The following GRID1 variants were observed in gnomAD, a reference collection of about 807,000 sequenced individuals.
GRID1 encodes glutamate ionotropic receptor delta type subunit 1, also known as glutamate receptor ionotropic, delta-1.
A neutral mutation model predicts 98.0 loss-of-function variants in GRID1; 28 were observed. The observed-to-expected ratio is 0.29, with a 90% CI of 0.21 to 0.39. The LOEUF is 0.39. GRID1 is among the 10% of genes least tolerant of loss of function. GRID1 has a pLI of 1.00. For missense variants in GRID1, 1,111 were observed against 1,340.5 expected (o/e 0.83, Z 2.67); for synonymous variants, 553 against 538.5 (o/e 1.03, Z -0.37).
intron 3 of GRID1, among the ~76,000 whole-genome samples, chr10:86,161,568 C>T (rs1441265421): frequency 1.3e-5 from 2 of 152,152 alleles, no homozygotes; most frequent in Non-Finnish European, 2.9e-5. Flanking sequence ...ATCTTAGGAG[C>T]TGAGGCTGGG....
chr10:86,298,328 G>T (rs1847624776), intron 2 of GRID1, among the ~76,000 whole-genome samples: 1 of 152,178 alleles, frequency 6.6e-6, no homozygotes, highest in Non-Finnish European at 1.5e-5. Flanking sequence ...ATGGACCAAG[G>T]ACTGGAAGGG....
intron 2 of GRID1, among the ~76,000 whole-genome samples, chr10:86,340,778 G>A (rs1263119006): frequency 1.3e-5 from 2 of 152,350 alleles, no homozygotes; most frequent in East Asian, 1.9e-4. Context: ...GGCCTACAAA[G>A]AGGGAGCAGA....
intron 8 of GRID1, among the ~76,000 whole-genome samples, chr10:85,819,200 A>G (rs1274096690): frequency 6.6e-6 from 1 of 152,216 alleles, no homozygotes; most frequent in Non-Finnish European, 1.5e-5. Flanking sequence ...CACAAAAAGC[A>G]CAACAGCAAC....
chr10:85,694,709 T>C (rs1033584023), intron 12 of GRID1, among the ~76,000 whole-genome samples: 1 of 147,856 alleles, frequency 6.8e-6, no homozygotes, highest in East Asian at 2.0e-4. Context: ...AAACACAAAG[T>C]CAAATTCCTC....
At chr10:85,644,689 T>TG (rs1053580863) in intron 13 of GRID1, among the ~76,000 whole-genome samples, 34 of 152,186 alleles carry the variant, frequency 2.2e-4, no homozygotes, top group Non-Finnish European at 2.9e-4. Flanking sequence ...GTGGATACAT[T>TG]GGAGTGTAAT....
rs1173053215 is a variant in GRID1 at position 85,908,691 on chromosome 10, A to G, written c.780+7495T>C. Among the ~76,000 whole-genome samples the G allele has an allele frequency of 2.6e-5, 4 of 152,342 alleles. No individual in the cohort carries two copies. The South Asian group carries it at 6.2e-4, about 24-fold the overall frequency. On this transcript the variant is annotated intron_variant, in intron 5 of 15. Coordinates refer to ENST00000327946, the MANE Select transcript of GRID1 (RefSeq NM_017551.3). The stretch of plus-strand genomic sequence containing the variant: ...TTAGAAGCTGACAAGCTGATTTTAA[A>G]TGTATACAAAAATTTCAAGGACCTA...
chr10:85,965,534 G>C (rs1842325584), intron 4 of GRID1, among the ~76,000 whole-genome samples: 2 of 152,062 alleles, frequency 1.3e-5, no homozygotes, highest in Admixed American at 1.3e-4. Context: ...TCTAACACAA[G>C]AACAGAAAAC....
intron 4 of GRID1, among the ~76,000 whole-genome samples, chr10:86,066,191 T>G (rs1383741580): frequency 6.6e-6 from 1 of 152,174 alleles, no homozygotes; most frequent in Non-Finnish European, 1.5e-5. Flanking sequence ...AGAAAGTTAT[T>G]TATCACATCC....
At chr10:85,897,222 C>T (rs556383656) in intron 5 of GRID1, among the ~76,000 whole-genome samples, 1 of 152,268 alleles carries the variant, frequency 6.6e-6, no homozygotes, top group South Asian at 2.1e-4. Context: ...CCCTGCCCCT[C>T]CCACTTCATT....
At chr10:86,271,523 T>C (rs567709568) in intron 2 of GRID1, among the ~76,000 whole-genome samples, 1 of 152,316 alleles carries the variant, frequency 6.6e-6, no homozygotes, top group South Asian at 2.1e-4. Context: ...AAACAGTCAT[T>C]ATAACTACAT....
intron 4 of GRID1, among the ~76,000 whole-genome samples, chr10:86,111,984 A>G (rs1005874840): frequency 6.6e-6 from 1 of 152,240 alleles, no homozygotes; most frequent in Non-Finnish European, 1.5e-5. Context: ...ATGGGCCACC[A>G]TGAGGCTACA....
intron 2 of GRID1, among the ~76,000 whole-genome samples, chr10:86,225,932 T>G (rs889356163): frequency 1.3e-5 from 2 of 152,080 alleles, no homozygotes; most frequent in African/African-American, 2.4e-5. Context: ...CTGCAGGCAT[T>G]CGTGGGGTCT....
At chr10:85,866,404 C>T (rs2131790595) in intron 6 of GRID1, among the ~76,000 whole-genome samples, 1 of 150,528 alleles carries the variant, frequency 6.6e-6, no homozygotes, top group South Asian at 2.1e-4. Context: ...TTAAGTATCC[C>T]ATATCTGAAA....
intron 5 of GRID1, among the ~76,000 whole-genome samples, chr10:85,887,255 G>A (rs529399954): frequency 1.3e-5 from 2 of 152,316 alleles, no homozygotes; most frequent in African/African-American, 4.8e-5. Flanking sequence ...TAGGAAGAGA[G>A]GGTGGGAGAC....
chr10:86,240,092 T>A (rs1846603269), intron 2 of GRID1, among the ~76,000 whole-genome samples: 1 of 152,194 alleles, frequency 6.6e-6, no homozygotes, highest in Admixed American at 6.5e-5. Context: ...ATTGATCTTA[T>A]ACTTCCAGCC....
At chr10:85,845,124 A>G (rs1041776459) in intron 8 of GRID1, among the ~76,000 whole-genome samples, 33 of 152,106 alleles carry the variant, frequency 2.2e-4, no homozygotes, top group African/African-American at 7.7e-4. Flanking sequence ...TAAAAAAAAA[A>G]CAATTAGAAA....
At chr10:86,335,016 C>T (rs1384206651) in intron 2 of GRID1, among the ~76,000 whole-genome samples, 4 of 152,266 alleles carry the variant, frequency 2.6e-5, no homozygotes, top group Non-Finnish European at 5.9e-5. Context: ...GAGATATGCC[C>T]ACCACCTAGC....
chr10:86,074,995 G>C (rs1843860242), intron 4 of GRID1, among the ~76,000 whole-genome samples: 1 of 152,112 alleles, frequency 6.6e-6, no homozygotes. Context: ...GAGTATCACT[G>C]TGCAGCTGAA....
At chr10:86,273,265 G>A in intron 2 of GRID1, among the ~76,000 whole-genome samples, 1 of 147,652 alleles carries the variant, frequency 6.8e-6, no homozygotes, top group Non-Finnish European at 1.5e-5. Context: ...TGGCTGCATA[G>A]TATTCCATGG....
Sources: gnomAD v4.1 joint callset for allele counts (sites outside exome capture counted in the v4.1 genomes callset) on GRCh38, gnomAD v4.1.1 for gene constraint, MANE v1.5 for transcripts, NCBI Gene and HGNC (gene_info 2026-07-23, HGNC 2026-07-21) for gene names.